Variants in TBC1D32 observed in about 807,000 individuals in gnomAD.
TBC1D32 encodes the protein protein broad-minded.
Under a neutral mutation model 170.3 loss-of-function variants are expected in TBC1D32, and 151 were observed. The observed-to-expected ratio is 0.89, with a 90% CI of 0.78 to 1.01. TBC1D32 has a LOEUF of 1.01. Ranked by LOEUF, TBC1D32 falls within the 50% of genes least tolerant of loss-of-function variation. The pLI, the probability that TBC1D32 is intolerant of heterozygous loss-of-function variation, is 0.00. For missense variants in TBC1D32, 1,464 were observed against 1,457.1 expected (o/e 1.00, Z -0.08); for synonymous variants, 498 against 488.0 (o/e 1.02, Z -0.27).
intron 17 of TBC1D32, among the ~76,000 whole-genome samples, chr6:121,248,634 A>C (rs2128378891): frequency 6.6e-6 from 1 of 152,132 alleles, no homozygotes; most frequent in Admixed American, 6.5e-5. Flanking sequence ...TACAGACAAT[A>C]TCACAGAAAT....
chr6:121,282,160 A>C (rs1563220289), intron 13 of TBC1D32, among the ~76,000 whole-genome samples: 1 of 151,634 alleles, frequency 6.6e-6, no homozygotes, highest in Admixed American at 6.6e-5. Flanking sequence ...GAAATTTCAT[A>C]AACTTTTATA....
intron 31 of TBC1D32, among the ~76,000 whole-genome samples, chr6:121,090,159 C>G (rs923970551): frequency 6.6e-6 from 1 of 152,120 alleles, no homozygotes; most frequent in African/African-American, 2.4e-5. Context: ...GTCTCGATCT[C>G]CTGACCTTGT....
rs117088114 is a variant in TBC1D32 at position 121,197,734 on chromosome 6, T to C, written c.2570+7341A>G. On this transcript the variant is annotated intron_variant, in intron 22 of 31. Coordinates refer to ENST00000398212, the MANE Select transcript of TBC1D32 (RefSeq NM_152730.6). ...GAAGATTATGTATAATCTCAGGAGATGTGTATGGGTTCAAGCTGACAACAG... is the reference window on the plus strand; with the variant it reads ...GAAGATTATGTATAATCTCAGGAGACGTGTATGGGTTCAAGCTGACAACAG... Among the ~76,000 whole-genome samples, 1,022 of 152,252 alleles carry C rather than the reference T, an allele frequency of 6.7e-3. 8 individuals carry two copies. The highest frequency in any genetic ancestry group is 0.01 in the Non-Finnish European group (686 of 68,028).
chr6:121,293,608 T>G (rs1217178855), intron 11 of TBC1D32, among the ~76,000 whole-genome samples: 1 of 152,254 alleles, frequency 6.6e-6, no homozygotes, highest in East Asian at 1.9e-4. Context: ...CAGGGAGGCC[T>G]TGAAATTTAA....
intron 15 of TBC1D32, among the ~76,000 whole-genome samples, chr6:121,265,968 C>A (rs1270267296): frequency 6.6e-6 from 1 of 151,950 alleles, no homozygotes; most frequent in African/African-American, 2.4e-5. Flanking sequence ...AACCATAAAA[C>A]CACAGAAGAA....
chr6:121,197,295 C>T (rs777400588), intron 22 of TBC1D32, among the ~76,000 whole-genome samples: 1 of 152,104 alleles, frequency 6.6e-6, no homozygotes, highest in Non-Finnish European at 1.5e-5. Context: ...TACAAATGGT[C>T]CAGACCCCTC....
At chr6:121,102,020 C>G (rs1312610795) in intron 30 of TBC1D32, among the ~76,000 whole-genome samples, 1 of 151,988 alleles carries the variant, frequency 6.6e-6, no homozygotes, top group East Asian at 1.9e-4. Flanking sequence ...ACCTAGGAAT[C>G]CAACTTACAA....
chr6:121,161,796 C>T (rs538317082), intron 22 of TBC1D32, among the ~76,000 whole-genome samples: 11 of 152,126 alleles, frequency 7.2e-5, no homozygotes, highest in Non-Finnish European at 1.6e-4. Flanking sequence ...ATTTACACTC[C>T]CAACAGTGTA....
chr6:121,129,815 G>C, intron 25 of TBC1D32: 2 of 400,692 alleles, frequency 5.0e-6, no homozygotes, highest in Non-Finnish European at 9.7e-6. Context: ...TTCAATGATT[G>C]AGTAGATACT....
chr6:121,123,376 T>A (rs1780476735), intron 26 of TBC1D32, among the ~76,000 whole-genome samples: 1 of 152,134 alleles, frequency 6.6e-6, no homozygotes, highest in Non-Finnish European at 1.5e-5. Context: ...ATCTCTCACA[T>A]AAAGTCTAGC....
intron 20 of TBC1D32, among the ~76,000 whole-genome samples, chr6:121,238,297 C>T (rs1796556638): frequency 6.6e-6 from 1 of 152,108 alleles, no homozygotes; most frequent in African/African-American, 2.4e-5. Context: ...CCACTCTATT[C>T]ATCCATATAT....
At chr6:121,279,276 A>T in intron 14 of TBC1D32, 31 bp from the exon 15 acceptor site, 1 of 1,593,734 alleles carries the variant, frequency 6.3e-7, no homozygotes, top group Non-Finnish European at 8.5e-7. Flanking sequence ...AAGACAAATC[A>T]CATAATTTTA....
intron 24 of TBC1D32, among the ~76,000 whole-genome samples, 182 bp from the exon 25 acceptor site, chr6:121,131,934 T>C (rs1268802684): frequency 6.6e-6 from 1 of 151,996 alleles, no homozygotes; most frequent in East Asian, 1.9e-4. Context: ...GTATTAAAAG[T>C]TGACAACAAT....
At chr6:121,298,965 T>G (rs1245848133) in intron 10 of TBC1D32, among the ~76,000 whole-genome samples, 6 of 152,158 alleles carry the variant, frequency 3.9e-5, no homozygotes, top group Non-Finnish European at 8.8e-5. Flanking sequence ...CTACTAATAG[T>G]AACAAATGTA....
At chr6:121,125,095 G>A (rs1302532792) in intron 26 of TBC1D32, among the ~76,000 whole-genome samples, 3 of 152,060 alleles carry the variant, frequency 2.0e-5, no homozygotes, top group East Asian at 1.9e-4. Context: ...GTGGACACCC[G>A]ATGATATCTA....
chr6:121,118,778 C>G (rs1361195099), intron 26 of TBC1D32, among the ~76,000 whole-genome samples: 2 of 152,128 alleles, frequency 1.3e-5, no homozygotes, highest in Non-Finnish European at 2.9e-5. Context: ...CTTCCTTTCC[C>G]AAAGTCAGTC....
At chr6:121,222,862 ACG>A (rs957620053) in intron 21 of TBC1D32, among the ~76,000 whole-genome samples, 7 of 152,182 alleles carry the variant, frequency 4.6e-5, no homozygotes, top group Admixed American at 4.6e-4. Context: ...TAAGCAGAAA[ACG>A]CAGTGGACTC....
chr6:121,311,853 C>T (rs937197197), intron 3 of TBC1D32, among the ~76,000 whole-genome samples: 3 of 152,062 alleles, frequency 2.0e-5, no homozygotes, highest in Non-Finnish European at 4.4e-5. Context: ...GTGGCTATTC[C>T]TCAAGGATCT....
rs527712148 is a variant in TBC1D32 at position 121,188,837 on chromosome 6, T to C, written c.2570+16238A>G. On this transcript the variant is annotated intron_variant, in intron 22 of 31. Transcript: ENST00000398212. ...ACAGACCATGAACTATTATCTTCTC[T>C]AGCTGCTCTGCCAAAAAGATAAATG... Among the ~76,000 whole-genome samples, 44 of 152,272 alleles carry C rather than the reference T, an allele frequency of 2.9e-4. 1 individual carries two copies. The South Asian group carries it at 7.3e-3, about 25-fold the overall frequency.
Sources: gnomAD v4.1 joint callset for allele counts (sites outside exome capture counted in the v4.1 genomes callset) on GRCh38, gnomAD v4.1.1 for gene constraint, MANE v1.5 for transcripts, NCBI Gene and HGNC (gene_info 2026-07-23, HGNC 2026-07-21) for gene names.